GSPT1: variants seen among roughly 807,000 people sequenced by gnomAD.
GSPT1 encodes the protein eukaryotic peptide chain release factor GTP-binding subunit ERF3A.
GSPT1 carries 20 observed loss-of-function variants against 72.5 expected under a neutral mutation model. The ratio of observed to expected loss-of-function variants is 0.28; its 90% CI spans 0.19 to 0.40. The LOEUF (loss-of-function observed/expected upper bound fraction) is 0.40, where lower values mean the gene tolerates loss of function less well. Ranked by LOEUF, GSPT1 falls within the 10% of genes least tolerant of loss-of-function variation. The probability of loss-of-function intolerance (pLI) is 1.00; values close to 1 mark genes in which losing one functional copy is unlikely to be tolerated. For missense variants in GSPT1, 580 were observed against 811.9 expected (o/e 0.71, Z 3.47); for synonymous variants, 334 against 293.5 (o/e 1.14, Z -1.41).
intron 1 of GSPT1, among the ~76,000 whole-genome samples, chr16:11,912,046 TAAA>T (rs371293585): frequency 1.8e-5 from 2 of 113,214 alleles, no homozygotes; most frequent in Non-Finnish European, 3.5e-5. Flanking sequence ...GTCAATCATT[TAAA>T]AAAAAAAAAA....
At chr16:11,879,403 A>AG (rs1480534373) in intron 11 of GSPT1, among the ~76,000 whole-genome samples, 1 of 150,956 alleles carries the variant, frequency 6.6e-6, no homozygotes, top group East Asian at 2.0e-4. Flanking sequence ...CAAAAAAAAA[A>AG]GAAAGAAACA....
At chr16:11,892,528 A>AAAAAT (rs2054278883) in intron 5 of GSPT1, among the ~76,000 whole-genome samples, 3 of 147,868 alleles carry the variant, frequency 2.0e-5, no homozygotes, top group South Asian at 2.1e-4. Flanking sequence ...AAAAACAAAA[A>AAAAAT]AAACAAAAAA....
intron 1 of GSPT1, among the ~76,000 whole-genome samples, chr16:11,906,765 A>T (rs527859587): frequency 6.6e-6 from 1 of 152,340 alleles, no homozygotes; most frequent in African/African-American, 2.4e-5. Flanking sequence ...TTAGGCTAAG[A>T]TAATAAATCC....
At chr16:11,901,178 T>C (rs2054401596) in intron 1 of GSPT1, among the ~76,000 whole-genome samples, 2 of 151,882 alleles carry the variant, frequency 1.3e-5, no homozygotes, top group South Asian at 2.1e-4. Flanking sequence ...ATAAAACCGA[T>C]ATATTTCTAC....
chr16:11,889,628 C>A lies in GSPT1; in HGVS notation c.776+1434G>T, dbSNP rs866388539. Among the ~76,000 whole-genome samples the A allele has an allele frequency of 1.6e-4, 24 of 151,894 alleles. No homozygotes were observed. The South Asian group carries it at 2.5e-3, about 16-fold the overall frequency. ...GTTCAAGTGATTCTCCTGCCTCAGC[C>A]CCCCGAGTAGCTGGGATTAGAGCAT... On this transcript the variant is annotated intron_variant, in intron 6 of 14. Transcript: ENST00000434724.
At chr16:11,913,719 T>C (rs1449590537) in intron 1 of GSPT1, among the ~76,000 whole-genome samples, 2 of 152,172 alleles carry the variant, frequency 1.3e-5, no homozygotes, top group Admixed American at 1.3e-4. Context: ...AATGGGCACT[T>C]TTAGGAGCTG....
Position 11,877,684 on chromosome 16 carries a change from G to T in GSPT1, c.1429-104C>A. Reference sequence around the variant, plus strand: ...TGCTCAATAAAGAGTTGCAAGATTTGACTGTAAACACTTATGTTTGTATGA... The same window carrying T: ...TGCTCAATAAAGAGTTGCAAGATTTTACTGTAAACACTTATGTTTGTATGA... On this transcript the variant is annotated intron_variant, in intron 11 of 14. Coordinates refer to ENST00000434724, the MANE Select transcript of GSPT1 (RefSeq NM_002094.4). The surrounding 1 kb of genome is among the most constrained non-coding windows in gnomAD (Gnocchi z 4.0). The T allele has an allele frequency of 3.1e-6, 2 of 654,964 alleles. No individual in the cohort carries two copies. Among genetic ancestry groups the T allele is most frequent in the Non-Finnish European group, 5.0e-6 (2 of 401,320 alleles). The allele number at this position is 654,964 out of a possible 1,614,324, so 40.6% of individuals were successfully genotyped here. A position where few individuals can be genotyped will look rare whatever the true frequency, so the allele number is the denominator to read the frequency against.
rs1214508720 is a variant in GSPT1, at chr16:11,871,095, G to A, written c.*2024C>T. 1 of 152,078 alleles carries A rather than the reference G, an allele frequency of 6.6e-6. No individual in the cohort carries two copies. The highest frequency in any genetic ancestry group is 1.5e-5 in the Non-Finnish European group (1 of 68,004). 9.4% of individuals were successfully genotyped at this position (152,078 alleles called of 1,614,324 possible). A position where few individuals can be genotyped will look rare whatever the true frequency, so the allele number is the denominator to read the frequency against. On this transcript the variant is annotated 3_prime_UTR_variant, in exon 15 of 15. Coordinates refer to ENST00000434724, the MANE Select transcript of GSPT1 (RefSeq NM_002094.4). ...ATTACAAAAAGAACTATTATGTTTT[G>A]ATTAAAGCTCCTATATTTTCCAGAA...
At chr16:11,896,807 T>C (rs2054345779) in intron 3 of GSPT1, 22 bp from the exon 4 acceptor site, 10 of 1,427,022 alleles carry the variant, frequency 7.0e-6, no homozygotes, top group African/African-American at 1.4e-5. Context: ...CATTTTAACT[T>C]AGTATTCTGA....
At chr16:11,888,048 A>C (rs992995164) in intron 6 of GSPT1, among the ~76,000 whole-genome samples, 6 of 152,162 alleles carry the variant, frequency 3.9e-5, no homozygotes, top group Admixed American at 1.3e-4. Flanking sequence ...TGTAGTACTT[A>C]GGAGACTGAG....
At chr16:11,912,393 A>G (rs2054572125) in intron 1 of GSPT1, among the ~76,000 whole-genome samples, 1 of 152,070 alleles carries the variant, frequency 6.6e-6, no homozygotes, top group Non-Finnish European at 1.5e-5. Context: ...CCAATAAATA[A>G]GGCATTCAGC....
chr16:11,894,379 C>T (rs929646857), intron 5 of GSPT1, among the ~76,000 whole-genome samples: 17 of 151,716 alleles, frequency 1.1e-4, no homozygotes, highest in African/African-American at 3.1e-4. Flanking sequence ...TTCTATAATA[C>T]GATCAAAAAA....
intron 1 of GSPT1, among the ~76,000 whole-genome samples, chr16:11,899,201 C>A (rs181624271): frequency 3.9e-5 from 6 of 152,288 alleles, no homozygotes; most frequent in Admixed American, 2.6e-4. Flanking sequence ...CCTGTAAAAT[C>A]ATTGCCCGGA....
intron 14 of GSPT1, among the ~76,000 whole-genome samples, chr16:11,874,967 G>A (rs1387015508): frequency 3.3e-5 from 5 of 152,206 alleles, no homozygotes; most frequent in South Asian, 4.1e-4. Flanking sequence ...CAAGGCGGGC[G>A]GATCACGAGG....
At chr16:11,915,248 C>A (rs2054616795) in intron 1 of GSPT1, 121 bp downstream of exon 1, 2 of 1,174,058 alleles carry the variant, frequency 1.7e-6, no homozygotes, top group Non-Finnish European at 2.1e-6. Flanking sequence ...AGGCAGACGG[C>A]GCCACTGTCA....
At chr16:11,916,345 C>T (rs576677057), upstream of GSPT1, among the ~76,000 whole-genome samples, 1 of 152,352 alleles carries the variant, frequency 6.6e-6, no homozygotes, top group Admixed American at 6.5e-5. Context: ...TATTTTAGCC[C>T]ATAGGAGGGG....
At position 11,891,298 on chromosome 16, in the gene GSPT1, T is replaced by C. The variant is rs186592320; in HGVS notation, c.699-159A>G. On this transcript the variant is annotated intron_variant, in intron 5 of 14. Transcript: ENST00000434724. Reference sequence around the variant, plus strand: ...AAATATAAAATATATATATAACATATATAACATATTTTTATATAAAATATA... The same window carrying C: ...AAATATAAAATATATATATAACATACATAACATATTTTTATATAAAATATA... Among the ~76,000 whole-genome samples the C allele has an allele frequency of 2.0e-3, 290 of 147,962 alleles. 1 individual carries two copies. Among genetic ancestry groups the C allele is most frequent in the Admixed American group, 3.0e-3 (44 of 14,774 alleles).
At chr16:11,903,105 G>C (rs113459663) in intron 1 of GSPT1, among the ~76,000 whole-genome samples, 1,824 of 152,270 alleles carry the variant, frequency 0.012, 37 homozygotes, top group African/African-American at 0.042. Context: ...GCAGCCAACA[G>C]TATGTCTGTT....
intron 4 of GSPT1, chr16:11,895,431 CA>C (rs58577286): frequency 0.94 from 107,533 of 113,824 alleles, 50,790 homozygotes; most frequent in Non-Finnish European, 0.97. Context: ...AACTCCATCT[CA>C]AAAAAAAAAA....
Sources: allele counts gnomAD v4.1 joint callset (sites outside exome capture counted in the v4.1 genomes callset), GRCh38; gene constraint gnomAD v4.1.1; non-coding constraint Gnocchi (gnomAD v3.1); transcripts MANE v1.5; gene names NCBI Gene and HGNC (gene_info 2026-07-23, HGNC 2026-07-21).